The following EPHA6 variants were observed in gnomAD, a reference collection of about 807,000 sequenced individuals.
The protein encoded by EPHA6 is ephrin type-A receptor 6.
Under a neutral mutation model 112.0 loss-of-function variants are expected in EPHA6, and 50 were observed. The ratio of observed to expected loss-of-function variants is 0.45; its 90% CI spans 0.36 to 0.56. The LOEUF is 0.56. Among genes scored for constraint, EPHA6 ranks in the 20% least tolerant of loss-of-function variants. The pLI is 0.00. For synonymous variants in EPHA6, 529 were observed against 490.7 expected, an observed-to-expected ratio of 1.08 and a Z score of -1.03; for missense variants, 1,280 against 1,417.4, an observed-to-expected ratio of 0.90 and a Z score of 1.56.
At chr3:96,910,108 A>G (rs113981674) in intron 2 of EPHA6, among the ~76,000 whole-genome samples, 1,665 of 152,162 alleles carry the variant, frequency 0.011, 28 homozygotes, top group African/African-American at 0.038. Context: ...CATCGTTCAT[A>G]AATGTACTAG....
chr3:97,081,461 A>G (rs565332962), intron 3 of EPHA6, among the ~76,000 whole-genome samples: 1 of 151,910 alleles, frequency 6.6e-6, no homozygotes, highest in Non-Finnish European at 1.5e-5. Context: ...ATATAAGTTA[A>G]TACTCAAGGA....
At chr3:96,995,469 T>A (rs925238568) in intron 3 of EPHA6, among the ~76,000 whole-genome samples, 1 of 152,136 alleles carries the variant, frequency 6.6e-6, no homozygotes, top group African/African-American at 2.4e-5. Context: ...CAGACTTTCA[T>A]CTATCTTGAA....
chr3:97,378,100 A>G (rs981462899), intron 5 of EPHA6, among the ~76,000 whole-genome samples: 2 of 152,062 alleles, frequency 1.3e-5, no homozygotes, highest in African/African-American at 2.4e-5. Flanking sequence ...GAAGGAAAAA[A>G]TGGTTTTATG....
At chr3:97,379,245 A>G (rs2085567030) in intron 5 of EPHA6, among the ~76,000 whole-genome samples, 1 of 152,156 alleles carries the variant, frequency 6.6e-6, no homozygotes, top group Admixed American at 6.5e-5. Context: ...CTCCCCAGCC[A>G]TGTGGAACTG....
At chr3:96,823,650 T>C (rs2033443399) in intron 1 of EPHA6, among the ~76,000 whole-genome samples, 1 of 151,872 alleles carries the variant, frequency 6.6e-6, no homozygotes, top group Non-Finnish European at 1.5e-5. Flanking sequence ...AAAAGAATTG[T>C]ATCAATTTTT....
intron 3 of EPHA6, among the ~76,000 whole-genome samples, chr3:97,114,739 A>G (rs1247365410): frequency 1.3e-5 from 2 of 152,078 alleles, no homozygotes; most frequent in Non-Finnish European, 2.9e-5. Context: ...TCACTCAACA[A>G]CTATTTTGTA....
At chr3:97,342,801 G>A (rs951363087) in intron 5 of EPHA6, among the ~76,000 whole-genome samples, 1 of 152,074 alleles carries the variant, frequency 6.6e-6, no homozygotes, top group African/African-American at 2.4e-5. Context: ...CCCTAACCCA[G>A]TCTCCGTATC....
At chr3:97,173,963 C>T (rs1295442600) in intron 3 of EPHA6, among the ~76,000 whole-genome samples, 1 of 151,472 alleles carries the variant, frequency 6.6e-6, no homozygotes, top group Non-Finnish European at 1.5e-5. Flanking sequence ...TACTTTCAAA[C>T]ATTATGTCTT....
intron 10 of EPHA6, among the ~76,000 whole-genome samples, 186 bp from the exon 11 acceptor site, chr3:97,532,172 T>C (rs2107648528): frequency 6.6e-6 from 1 of 152,198 alleles, no homozygotes; most frequent in East Asian, 1.9e-4. Flanking sequence ...CCATTATTCA[T>C]TAGAAGTGTT....
At chr3:97,703,803 GA>G (rs1356925430) in intron 14 of EPHA6, among the ~76,000 whole-genome samples, 1 of 152,090 alleles carries the variant, frequency 6.6e-6, no homozygotes, top group African/African-American at 2.4e-5. Context: ...CCTTTGCCCT[GA>G]GCAAATTTGT....
chr3:97,553,379 C>T (rs1270004872), intron 11 of EPHA6, among the ~76,000 whole-genome samples: 1 of 152,004 alleles, frequency 6.6e-6, no homozygotes, highest in Non-Finnish European at 1.5e-5. Context: ...AGTAGCCCTC[C>T]CCAACCCCAG....
chr3:97,491,118 A>G (rs954458871), intron 10 of EPHA6, among the ~76,000 whole-genome samples: 6 of 152,102 alleles, frequency 3.9e-5, no homozygotes, highest in African/African-American at 1.4e-4. Context: ...ACAGCAAATT[A>G]CCTTTGCACA....
At chr3:97,085,756 G>A (rs1330556143) in intron 3 of EPHA6, among the ~76,000 whole-genome samples, 1 of 151,864 alleles carries the variant, frequency 6.6e-6, no homozygotes, top group Non-Finnish European at 1.5e-5. Flanking sequence ...GCTGAGAAAT[G>A]AAACTGAGCT....
At chr3:97,271,336 T>C (rs1434327238) in intron 5 of EPHA6, among the ~76,000 whole-genome samples, 1 of 152,248 alleles carries the variant, frequency 6.6e-6, no homozygotes. Flanking sequence ...TATTTTACTG[T>C]CCTTTTGTGT....
chr3:96,891,354 T>C (rs1417319516), intron 2 of EPHA6, among the ~76,000 whole-genome samples: 2 of 152,176 alleles, frequency 1.3e-5, no homozygotes, highest in Non-Finnish European at 2.9e-5. Context: ...TACAGTGTGA[T>C]TCCACGTATG....
intron 3 of EPHA6, among the ~76,000 whole-genome samples, chr3:97,000,369 T>TTATATATA (rs148337209): frequency 1.3e-5 from 2 of 150,308 alleles, no homozygotes; most frequent in South Asian, 4.2e-4. Flanking sequence ...TTTATATATT[T>TTATATATA]TATATATATA....
At chr3:97,033,834 AC>A (rs1414806191) in intron 3 of EPHA6, among the ~76,000 whole-genome samples, 1 of 151,820 alleles carries the variant, frequency 6.6e-6, no homozygotes, top group Non-Finnish European at 1.5e-5. Flanking sequence ...ATGTCTAATC[AC>A]CCCCCAAATT....
intron 12 of EPHA6, among the ~76,000 whole-genome samples, chr3:97,593,645 CA>C (rs2093564025): frequency 6.6e-6 from 1 of 152,148 alleles, no homozygotes; most frequent in Non-Finnish European, 1.5e-5. Flanking sequence ...CCAATAAAAA[CA>C]AAAATCCCAG....
At chr3:97,316,489 T>C (rs2081843885) in intron 5 of EPHA6, among the ~76,000 whole-genome samples, 1 of 151,916 alleles carries the variant, frequency 6.6e-6, no homozygotes, top group Non-Finnish European at 1.5e-5. Context: ...CTGCGTTTTC[T>C]GAAGTGTCAT....
Sources: allele counts gnomAD v4.1 joint callset (sites outside exome capture counted in the v4.1 genomes callset), GRCh38; gene constraint gnomAD v4.1.1; transcripts MANE v1.5; gene names NCBI Gene and HGNC (gene_info 2026-07-23, HGNC 2026-07-21).